TSHZ3: variants seen among roughly 807,000 people sequenced by gnomAD.
TSHZ3 encodes teashirt zinc finger homeobox 3.
Under a neutral mutation model 64.5 loss-of-function variants are expected in TSHZ3, and 10 were observed. The ratio of observed to expected loss-of-function variants is 0.16; its 90% CI spans 0.10 to 0.26. The LOEUF is 0.26. Among genes scored for constraint, TSHZ3 ranks in the 10% least tolerant of loss-of-function variants. TSHZ3 has a pLI of 1.00. For synonymous variants in TSHZ3, 608 were observed against 593.1 expected (o/e 1.03, Z -0.36); for missense variants, 1,242 against 1,421.7 (o/e 0.87, Z 2.03).
chr19:31,293,527 C>T (rs1361215747), intron 1 of TSHZ3, among the ~76,000 whole-genome samples: 1 of 152,182 alleles, frequency 6.6e-6, no homozygotes. Flanking sequence ...TCACATTCCC[C>T]TCCCTGTCCT....
At chr19:31,176,643 A>T (rs930272000) in intron 5 of TSHZ3, among the ~76,000 whole-genome samples, 2 of 152,106 alleles carry the variant, frequency 1.3e-5, no homozygotes, top group African/African-American at 4.8e-5. Context: ...AAAATAAATT[A>T]TCCAGGCATG....
At chr19:31,327,012 G>A (rs1005812950) in intron 1 of TSHZ3, among the ~76,000 whole-genome samples, 1 of 152,086 alleles carries the variant, frequency 6.6e-6, no homozygotes, top group Non-Finnish European at 1.5e-5. Flanking sequence ...GAGCAGTCCA[G>A]AATGTAGACT....
chr19:31,257,556 G>T (rs1416048107), intron 1 of TSHZ3, among the ~76,000 whole-genome samples: 1 of 152,202 alleles, frequency 6.6e-6, no homozygotes, highest in African/African-American at 2.4e-5. Context: ...CCCGTGAAAT[G>T]ACTCCAAATT....
intron 5 of TSHZ3, among the ~76,000 whole-genome samples, chr19:31,182,405 G>A (rs1399795266): frequency 1.3e-5 from 2 of 152,154 alleles, no homozygotes; most frequent in Non-Finnish European, 2.9e-5. Context: ...TCTGCCTAGG[G>A]GATAGTGGAA....
At chr19:31,326,606 G>A (rs978470231) in intron 1 of TSHZ3, among the ~76,000 whole-genome samples, 5 of 152,202 alleles carry the variant, frequency 3.3e-5, no homozygotes. Flanking sequence ...CTCATCTATC[G>A]CTGTAAGTCA....
At chr19:31,185,424 G>A (rs1049126602) in intron 5 of TSHZ3, among the ~76,000 whole-genome samples, 5 of 152,216 alleles carry the variant, frequency 3.3e-5, no homozygotes, top group African/African-American at 1.2e-4. Context: ...AGACAAACCA[G>A]AGGGGAAGAT....
chr19:31,170,217 A>C (rs994502528), intron 5 of TSHZ3, among the ~76,000 whole-genome samples: 1 of 152,180 alleles, frequency 6.6e-6, no homozygotes, highest in Non-Finnish European at 1.5e-5. Context: ...CAGCATGATC[A>C]GGTTCGGGTG....
chr19:31,177,625 G>T (rs1224261020), intron 5 of TSHZ3, among the ~76,000 whole-genome samples: 1 of 152,234 alleles, frequency 6.6e-6, no homozygotes, highest in African/African-American at 2.4e-5. Flanking sequence ...CCTGCTTTCA[G>T]CATCCCTCAC....
chr19:31,342,158 T>C (rs768410768), intron 1 of TSHZ3, among the ~76,000 whole-genome samples: 14 of 152,216 alleles, frequency 9.2e-5, no homozygotes, highest in Admixed American at 2.0e-4. Context: ...CAGAATTAAT[T>C]ACAGAACTTC....
intron 4 of TSHZ3, among the ~76,000 whole-genome samples, chr19:31,214,804 A>T (rs538968034): frequency 6.8e-6 from 1 of 148,022 alleles, no homozygotes; most frequent in South Asian, 2.3e-4. Flanking sequence ...GCTACTCGGG[A>T]GGCTGAGGCA....
rs1976216770 is a variant in TSHZ3, at chr19:31,275,693, T to C, written c.*854A>G. On this transcript the variant is annotated 3_prime_UTR_variant, in exon 2 of 2. Transcript: ENST00000240587. ...ATGTACTGTATAGCAAAACAAACTA[T>C]CATACTTTGCTTTCAGATAATGTTT... The C allele has an allele frequency of 6.6e-6, 1 of 152,562 alleles. No homozygotes were observed. The highest frequency in any genetic ancestry group is 2.4e-5 in the African/African-American group (1 of 41,414). 9.5% of individuals were successfully genotyped at this position (152,562 alleles called of 1,614,324 possible).
chr19:31,349,965 C>T (rs1165905898), upstream of TSHZ3, among the ~76,000 whole-genome samples: 3 of 147,110 alleles, frequency 2.0e-5, no homozygotes, highest in Non-Finnish European at 4.6e-5. Context: ...GGGGTGCCGC[C>T]CCTCCGCCTC....
chr19:31,246,725 G>A (rs7252286), intron 1 of TSHZ3, among the ~76,000 whole-genome samples: 42,256 of 152,054 alleles, frequency 0.28, 7,358 homozygotes, highest in African/African-American at 0.48. Context: ...CAATAGCAAC[G>A]AGCATACTTA....
chr19:31,328,834 T>C (rs1916996604), intron 1 of TSHZ3, among the ~76,000 whole-genome samples: 1 of 152,198 alleles, frequency 6.6e-6, no homozygotes, highest in African/African-American at 2.4e-5. Flanking sequence ...TCTGGAGCCA[T>C]AGTAATGGGA....
At chr19:31,189,002 T>G (rs2145135608) in intron 5 of TSHZ3, among the ~76,000 whole-genome samples, 1 of 152,118 alleles carries the variant, frequency 6.6e-6, no homozygotes, top group Admixed American at 6.5e-5. Flanking sequence ...TTAATTTTGG[T>G]AATTTTTATC....
intron 5 of TSHZ3, among the ~76,000 whole-genome samples, chr19:31,202,081 G>A (rs8105673): frequency 0.015 from 2,354 of 152,152 alleles, 72 homozygotes; most frequent in African/African-American, 0.053. Flanking sequence ...CAGGAGAATC[G>A]CTTGAATTCT....
chr19:31,183,452 C>G (rs1418774088), intron 5 of TSHZ3, among the ~76,000 whole-genome samples: 4 of 152,126 alleles, frequency 2.6e-5, no homozygotes, highest in Admixed American at 2.0e-4. Context: ...CTCTGAGAAT[C>G]AGAAAACGAA....
At chr19:31,270,882 GATTT>G (rs1388255836), downstream of TSHZ3, among the ~76,000 whole-genome samples, 2 of 152,206 alleles carry the variant, frequency 1.3e-5, no homozygotes, top group Admixed American at 6.5e-5. Context: ...CATCAGGAAT[GATTT>G]ATTAAGAATA....
At chr19:31,173,661 C>T (rs1200188720) in intron 5 of TSHZ3, among the ~76,000 whole-genome samples, 1 of 152,196 alleles carries the variant, frequency 6.6e-6, no homozygotes, top group East Asian at 1.9e-4. Flanking sequence ...CTTTGAACAT[C>T]TGGCTGTTTC....
Sources: allele counts gnomAD v4.1 joint callset (sites outside exome capture counted in the v4.1 genomes callset), GRCh38; gene constraint gnomAD v4.1.1; transcripts MANE v1.5; gene names NCBI Gene and HGNC (gene_info 2026-07-23, HGNC 2026-07-21).